Variants in PAM observed in about 807,000 individuals in gnomAD.
PAM encodes the protein peptidyl-glycine alpha-amidating monooxygenase.
PAM carries 72 observed loss-of-function variants against 122.1 expected under a neutral mutation model. The observed-to-expected ratio is 0.59, with a 90% CI of 0.49 to 0.72. The LOEUF is 0.72. PAM is among the 30% of genes least tolerant of loss of function. The pLI, the probability that PAM is intolerant of heterozygous loss-of-function variation, is 0.00. For missense variants in PAM, 1,106 were observed against 1,183.7 expected, an observed-to-expected ratio of 0.93 and a Z score of 0.96; for synonymous variants, 389 against 404.4, an observed-to-expected ratio of 0.96 and a Z score of 0.46.
intron 1 of PAM, among the ~76,000 whole-genome samples, chr5:102,852,690 T>G (rs1781619539): frequency 1.3e-5 from 2 of 152,138 alleles, no homozygotes; most frequent in Non-Finnish European, 1.5e-5. Context: ...AAAATAAAAT[T>G]TATGCATATA....
chr5:102,793,991 A>T (rs1762725429), intron 1 of PAM, among the ~76,000 whole-genome samples: 1 of 152,164 alleles, frequency 6.6e-6, no homozygotes. Context: ...ATAACTACTT[A>T]TCTTTTTATT....
intron 15 of PAM, among the ~76,000 whole-genome samples, chr5:102,982,421 G>A (rs545760595): frequency 6.6e-6 from 1 of 152,260 alleles, no homozygotes; most frequent in South Asian, 2.1e-4. Context: ...CAGAACCTGA[G>A]TAAGCTGCCT....
chr5:102,856,135 C>T (rs974820595), intron 1 of PAM, among the ~76,000 whole-genome samples: 1 of 152,078 alleles, frequency 6.6e-6, no homozygotes, highest in Non-Finnish European at 1.5e-5. Context: ...GTCTCTAAGT[C>T]TAGGTTCTGC....
chr5:102,804,735 G>A (rs468891), intron 1 of PAM, among the ~76,000 whole-genome samples: 103,608 of 152,010 alleles, frequency 0.68, 35,560 homozygotes, highest in South Asian at 0.8. Context: ...ATCAGGATTA[G>A]GGGTGTTTTG....
intron 3 of PAM, among the ~76,000 whole-genome samples, chr5:102,867,785 T>C (rs1786069848): frequency 6.6e-6 from 1 of 152,246 alleles, no homozygotes; most frequent in Non-Finnish European, 1.5e-5. Context: ...TATCCTTTTA[T>C]TGCAACCACA....
At chr5:102,830,623 T>A (rs1775156491) in intron 1 of PAM, among the ~76,000 whole-genome samples, 1 of 152,202 alleles carries the variant, frequency 6.6e-6, no homozygotes, top group Admixed American at 6.5e-5. Context: ...GGTTTGATAT[T>A]AGAAATCAGA....
At chr5:102,804,667 T>A (rs1765739341) in intron 1 of PAM, among the ~76,000 whole-genome samples, 1 of 152,240 alleles carries the variant, frequency 6.6e-6, no homozygotes, top group Non-Finnish European at 1.5e-5. Flanking sequence ...AGAGGAACCA[T>A]GACTGTTGCT....
chr5:102,810,262 A>G (rs922431494), intron 1 of PAM, among the ~76,000 whole-genome samples: 3 of 152,244 alleles, frequency 2.0e-5, no homozygotes, highest in African/African-American at 7.2e-5. Context: ...GACTTGATTG[A>G]TATGAGCAGC....
At chr5:102,789,756 G>C (rs1761561711) in intron 1 of PAM, among the ~76,000 whole-genome samples, 1 of 152,048 alleles carries the variant, frequency 6.6e-6, no homozygotes, top group Non-Finnish European at 1.5e-5. Flanking sequence ...TAATGGGACT[G>C]AACTGTATAC....
chr5:102,945,787 G>A (rs1582010095), intron 7 of PAM, among the ~76,000 whole-genome samples: 1 of 149,232 alleles, frequency 6.7e-6, no homozygotes, highest in East Asian at 2.0e-4. Context: ...GTACTGATTT[G>A]TTTTTTCATT....
intron 1 of PAM, among the ~76,000 whole-genome samples, chr5:102,793,641 T>G (rs769077409): frequency 6.6e-6 from 1 of 152,224 alleles, no homozygotes; most frequent in Non-Finnish European, 1.5e-5. Context: ...TTTTAAGTAC[T>G]GGTTTTTTTC....
chr5:102,779,918 T>TATATATATATATATACACACAC (rs147065045), intron 1 of PAM, among the ~76,000 whole-genome samples: 1,184 of 94,844 alleles, frequency 0.012, 23 homozygotes, highest in Non-Finnish European at 0.018. Context: ...TATATATATA[T>TATATATATATATATACACACAC]ACACACATAT....
chr5:102,779,918 T>TACACACACACACAC (rs1554059721), intron 1 of PAM, among the ~76,000 whole-genome samples: 4 of 95,704 alleles, frequency 4.2e-5, no homozygotes, highest in Non-Finnish European at 5.9e-5. Flanking sequence ...TATATATATA[T>TACACACACACACAC]ACACACATAT....
At chr5:102,892,954 A>C (rs888673467) in intron 3 of PAM, among the ~76,000 whole-genome samples, 1 of 151,838 alleles carries the variant, frequency 6.6e-6, no homozygotes, top group Admixed American at 6.6e-5. Flanking sequence ...TAGGCAAAGA[A>C]AATAAATATT....
At chr5:102,937,504 G>A (rs1423236908) in intron 7 of PAM, among the ~76,000 whole-genome samples, 1 of 152,172 alleles carries the variant, frequency 6.6e-6, no homozygotes, top group East Asian at 1.9e-4. Flanking sequence ...AAAGCATGAC[G>A]TTTTTTTCCT....
chr5:102,996,032 T>A (rs897571774), intron 16 of PAM, among the ~76,000 whole-genome samples: 5 of 152,146 alleles, frequency 3.3e-5, no homozygotes, highest in Admixed American at 3.3e-4. Flanking sequence ...TTAATTTGAA[T>A]TCCCTTAATT....
At chr5:102,910,939 G>A (rs6877687) in intron 4 of PAM, among the ~76,000 whole-genome samples, 2,192 of 151,980 alleles carry the variant, frequency 0.014, 51 homozygotes, top group African/African-American at 0.051. Context: ...AATTCACTAG[G>A]GGTGGGGTCT....
chr5:102,926,418 A>G (rs1749559530), intron 6 of PAM, among the ~76,000 whole-genome samples, 167 bp from the exon 7 acceptor site: 1 of 152,380 alleles, frequency 6.6e-6, no homozygotes, highest in Middle Eastern at 3.4e-3. Context: ...GATTATAATG[A>G]CAGATTATAT....
At chr5:102,929,307 T>C (rs182286492) in intron 7 of PAM, among the ~76,000 whole-genome samples, 54 of 152,298 alleles carry the variant, frequency 3.5e-4, no homozygotes, top group Admixed American at 1.8e-3. Context: ...CTCATACTTA[T>C]CTCCAGATGC....
Sources: gnomAD v4.1 joint callset for allele counts (sites outside exome capture counted in the v4.1 genomes callset) on GRCh38, gnomAD v4.1.1 for gene constraint, MANE v1.5 for transcripts, NCBI Gene and HGNC (gene_info 2026-07-23, HGNC 2026-07-21) for gene names.